Variants in SNTG1 observed in about 807,000 individuals in gnomAD.
SNTG1 encodes gamma-1-syntrophin.
Under a neutral mutation model 74.7 loss-of-function variants are expected in SNTG1, and 39 were observed. The ratio of observed to expected loss-of-function variants is 0.52; its 90% confidence interval spans 0.40 to 0.68. The LOEUF is 0.68. Ranked by LOEUF, SNTG1 falls within the 30% of genes least tolerant of loss-of-function variation. SNTG1 has a pLI of 0.00. For synonymous variants in SNTG1, 254 were observed against 217.1 expected, an observed-to-expected ratio of 1.17 and a Z score of -1.49; for missense variants, 685 against 609.5, an observed-to-expected ratio of 1.12 and a Z score of -1.30.
intron 1 of SNTG1, among the ~76,000 whole-genome samples, chr8:50,124,804 G>A (rs772563132): frequency 7.1e-6 from 1 of 141,176 alleles, no homozygotes; most frequent in Non-Finnish European, 1.6e-5. Context: ...ATTGAAGCTT[G>A]TTGCTAAAAT....
intron 2 of SNTG1, among the ~76,000 whole-genome samples, chr8:50,198,487 A>G (rs1035901276): frequency 2.6e-5 from 4 of 152,134 alleles, no homozygotes; most frequent in Non-Finnish European, 5.9e-5. Context: ...TCAGGCAGCT[A>G]CAGAGCCCAA....
chr8:49,986,242 A>C (rs928314111), intron 1 of SNTG1, among the ~76,000 whole-genome samples: 4 of 152,154 alleles, frequency 2.6e-5, no homozygotes, highest in Non-Finnish European at 5.9e-5. Flanking sequence ...TGCCAAGCAG[A>C]ACTGTATATA....
intron 1 of SNTG1, among the ~76,000 whole-genome samples, chr8:49,924,207 G>T (rs79873012): frequency 2.0e-5 from 3 of 152,012 alleles, no homozygotes; most frequent in African/African-American, 7.3e-5. Flanking sequence ...AAGTTTCACC[G>T]GTAGTATCTG....
intron 8 of SNTG1, among the ~76,000 whole-genome samples, chr8:50,468,742 A>G (rs957761395): frequency 6.6e-6 from 1 of 152,114 alleles, no homozygotes; most frequent in East Asian, 1.9e-4. Context: ...GTTTACCTTA[A>G]GCATTTGAGT....
At chr8:50,573,229 T>C (rs1277434618) in intron 12 of SNTG1, among the ~76,000 whole-genome samples, 1 of 152,124 alleles carries the variant, frequency 6.6e-6, no homozygotes, top group African/African-American at 2.4e-5. Flanking sequence ...ATATTATTAC[T>C]ACTAAAAGTA....
rs1418842383 is a variant in SNTG1, at chr8:50,796,181, T to C, written c.*3352T>C. ...TGAGAAAAATTAATAATCCTAACGA[T>C]AATTTAGAATTACTGCTAGAAATCA... On this transcript the variant is annotated 3_prime_UTR_variant, in exon 19 of 19. Coordinates refer to ENST00000642720, the MANE Select transcript of SNTG1 (RefSeq NM_018967.5). 1 of 152,196 alleles carries C rather than the reference T, an allele frequency of 6.6e-6. No homozygotes were observed. Among genetic ancestry groups the C allele is most frequent in the Non-Finnish European group, 1.5e-5 (1 of 67,962 alleles). The allele number at this position is 152,196 out of a possible 1,614,324, so 9.4% of individuals were successfully genotyped here.
chr8:50,409,718 T>G (rs994166907), intron 4 of SNTG1, among the ~76,000 whole-genome samples: 4 of 152,204 alleles, frequency 2.6e-5, no homozygotes, highest in Admixed American at 2.6e-4. Flanking sequence ...TACCCTTCAA[T>G]GGGCCCTGAA....
chr8:50,720,443 T>C (rs2095485061), intron 17 of SNTG1, among the ~76,000 whole-genome samples: 1 of 152,210 alleles, frequency 6.6e-6, no homozygotes, highest in Admixed American at 6.5e-5. Context: ...GCTACATGAC[T>C]ATTGCTACAT....
At chr8:49,931,233 A>G (rs1210678436) in intron 1 of SNTG1, among the ~76,000 whole-genome samples, 1 of 152,270 alleles carries the variant, frequency 6.6e-6, no homozygotes, top group African/African-American at 2.4e-5. Flanking sequence ...AGTAACATTT[A>G]CAATGTGGCC....
intron 12 of SNTG1, among the ~76,000 whole-genome samples, chr8:50,584,608 C>T (rs1476044690): frequency 6.7e-6 from 1 of 150,068 alleles, no homozygotes; most frequent in Non-Finnish European, 1.5e-5. Context: ...TCCACACTAG[C>T]TCCTGAAAGA....
intron 1 of SNTG1, among the ~76,000 whole-genome samples, chr8:50,023,471 C>T (rs1816999386): frequency 6.6e-6 from 1 of 152,140 alleles, no homozygotes; most frequent in Non-Finnish European, 1.5e-5. Flanking sequence ...TTTCCAATCA[C>T]AGTAGAACTT....
At chr8:50,790,423 G>A (rs117740022) in intron 18 of SNTG1, among the ~76,000 whole-genome samples, 2,516 of 151,928 alleles carry the variant, frequency 0.017, 39 homozygotes, top group Middle Eastern at 0.034. Flanking sequence ...TTTTTTACAA[G>A]GGAAACTTGT....
chr8:50,299,522 A>G (rs976884225), intron 2 of SNTG1, among the ~76,000 whole-genome samples: 3 of 152,172 alleles, frequency 2.0e-5, no homozygotes, highest in African/African-American at 4.8e-5. Flanking sequence ...ATCCTAAGTT[A>G]GTGCCAAATT....
intron 1 of SNTG1, among the ~76,000 whole-genome samples, chr8:50,097,280 T>C (rs1217083157): frequency 1.3e-5 from 2 of 152,202 alleles, no homozygotes; most frequent in African/African-American, 4.8e-5. Flanking sequence ...TTAATAATTA[T>C]GTGTAGATGC....
At chr8:50,309,109 A>T (rs1291188886) in intron 2 of SNTG1, among the ~76,000 whole-genome samples, 1 of 152,198 alleles carries the variant, frequency 6.6e-6, no homozygotes, top group Non-Finnish European at 1.5e-5. Flanking sequence ...GCTATTTTAC[A>T]ACATTCATAG....
intron 1 of SNTG1, among the ~76,000 whole-genome samples, chr8:50,018,260 A>T (rs1445917039): frequency 2.0e-5 from 3 of 152,024 alleles, no homozygotes; most frequent in African/African-American, 7.2e-5. Context: ...CCAATGTCAA[A>T]ACCTATTTTA....
At chr8:50,081,160 G>T (rs1586183761) in intron 1 of SNTG1, among the ~76,000 whole-genome samples, 3 of 152,104 alleles carry the variant, frequency 2.0e-5, no homozygotes, top group East Asian at 1.9e-4. Flanking sequence ...TGAATTCAGG[G>T]CTGCTAGCAA....
chr8:50,234,172 G>T (rs1367336572), intron 2 of SNTG1, among the ~76,000 whole-genome samples: 1 of 151,930 alleles, frequency 6.6e-6, no homozygotes, highest in African/African-American at 2.4e-5. Flanking sequence ...ATAGTTGAAT[G>T]ATTAAGCAAA....
At chr8:50,020,571 T>G (rs753580037) in intron 1 of SNTG1, among the ~76,000 whole-genome samples, 1 of 152,196 alleles carries the variant, frequency 6.6e-6, no homozygotes, top group Non-Finnish European at 1.5e-5. Flanking sequence ...GATTGTCTAA[T>G]TCATTTAGGC....
Sources: gnomAD v4.1 joint callset for allele counts (sites outside exome capture counted in the v4.1 genomes callset) on GRCh38, gnomAD v4.1.1 for gene constraint, MANE v1.5 for transcripts, NCBI Gene and HGNC (gene_info 2026-07-23, HGNC 2026-07-21) for gene names.